TCEA3: variants seen among roughly 807,000 people sequenced by gnomAD.
The protein encoded by TCEA3 is transcription elongation factor A3, also known as transcription elongation factor A protein 3.
A neutral mutation model predicts 44.0 loss-of-function variants in TCEA3; 36 were observed. The observed-to-expected ratio is 0.82, with a 90% CI of 0.63 to 1.08. The LOEUF is 1.08. TCEA3 is among the 50% of genes least tolerant of loss of function. The pLI is 0.00. For missense variants in TCEA3, 392 were observed against 441.2 expected, an observed-to-expected ratio of 0.89 and a Z score of 1.00; for synonymous variants, 162 against 159.7, an observed-to-expected ratio of 1.01 and a Z score of -0.11.
intron 8 of TCEA3, 94 bp downstream of exon 8, chr1:23,393,776 CCCTGGCTCA>C: frequency 6.9e-7 from 1 of 1,454,954 alleles, no homozygotes; most frequent in Non-Finnish European, 9.1e-7. Context: ...TTGAAAAGCT[CCCTGGCTCA>C]CTGCTGATGA....
In TCEA3 at chr1:23,404,915, C is replaced by T. The variant is rs1035612569; in HGVS notation, c.443+3749G>A. ...CAGGAGGTTGAGGCTGCAGTGAGCC[C>T]TGTTTATACCACTGCACTCCAGCCT... On this transcript the variant is annotated intron_variant, in intron 5 of 10. Coordinates refer to ENST00000450454, the MANE Select transcript of TCEA3 (RefSeq NM_003196.3). 2.3e-4 allele frequency among the ~76,000 whole-genome samples: 35 copies of T among 152,174 alleles called. 1 individual carries two copies. Among genetic ancestry groups the T allele is most frequent in the African/African-American group, 8.4e-4 (35 of 41,528 alleles).
intron 7 of TCEA3, among the ~76,000 whole-genome samples, chr1:23,394,969 A>AT (rs1280255146): frequency 1.3e-5 from 2 of 152,142 alleles, no homozygotes; most frequent in Non-Finnish European, 2.9e-5. Flanking sequence ...ACACAGCCTC[A>AT]TTTTCTTGGT....
chr1:23,403,716 C>A (rs1319007738), intron 5 of TCEA3: 2 of 194,230 alleles, frequency 1.0e-5, no homozygotes, highest in Non-Finnish European at 2.2e-5. Context: ...CTGCCTGTCG[C>A]CCTTCCAAAT....
chr1:23,424,659 G>A lies in TCEA3; in HGVS notation c.-26C>T, dbSNP rs760414246. ...GTTGGCCCGCGACGCCCGGCGGGGC[G>A]AGGGGCACAGGGGCAGCAGTAGGGC... is the stretch of plus-strand genomic sequence containing the variant. On this transcript the variant is annotated 5_prime_UTR_variant, in exon 1 of 11. Transcript: ENST00000450454. 1 of 1,591,650 alleles carries A rather than the reference G, an allele frequency of 6.3e-7. No individual in the cohort carries two copies. Among genetic ancestry groups the A allele is most frequent in the Admixed American group, 1.7e-5 (1 of 59,586 alleles).
chr1:23,400,748 G>A (rs184900374), intron 5 of TCEA3, among the ~76,000 whole-genome samples: 2 of 152,208 alleles, frequency 1.3e-5, no homozygotes, highest in East Asian at 3.9e-4. Flanking sequence ...ACCCACTCGA[G>A]GGTCTTACCA....
chr1:23,424,005 G>C, intron 1 of TCEA3: 1 of 379,954 alleles, frequency 2.6e-6, no homozygotes, highest in Non-Finnish European at 5.1e-6. Flanking sequence ...AGGGAAAATT[G>C]CCAAAAGAAC....
At chr1:23,393,767 T>G (rs2486078) in intron 8 of TCEA3, 112 bp downstream of exon 8, 1,289,843 of 1,414,030 alleles carry the variant, frequency 0.91, 588,710 homozygotes, top group African/African-American at 0.96. Flanking sequence ...GAGGCTGGTT[T>G]GAAAAGCTCC....
At chr1:23,419,469 G>C (rs1035964305) in intron 1 of TCEA3, 2 of 236,036 alleles carry the variant, frequency 8.5e-6, no homozygotes, top group African/African-American at 4.5e-5. Flanking sequence ...TTGCTCGTGT[G>C]CCTGTAGCGT....
At chr1:23,423,129 G>T (rs1558082154) in intron 1 of TCEA3, among the ~76,000 whole-genome samples, 1 of 152,178 alleles carries the variant, frequency 6.6e-6, no homozygotes, top group Non-Finnish European at 1.5e-5. Flanking sequence ...ACTGAGGATT[G>T]TGGAGGAGTC....
chr1:23,397,629 T>C (rs1170496049), intron 6 of TCEA3, 28 bp from the exon 7 acceptor site: 2 of 1,612,046 alleles, frequency 1.2e-6, no homozygotes, highest in African/African-American at 2.7e-5. Flanking sequence ...AATACAGGTA[T>C]CAGCCAGACA....
chr1:23,385,845 G>T (rs685895), intron 9 of TCEA3, among the ~76,000 whole-genome samples: 2 of 152,148 alleles, frequency 1.3e-5, no homozygotes, highest in Admixed American at 6.5e-5. Flanking sequence ...CAAGTTAGCT[G>T]GATTGCAGGC....
chr1:23,401,574 G>T (rs922466509), intron 5 of TCEA3, among the ~76,000 whole-genome samples: 2 of 152,156 alleles, frequency 1.3e-5, no homozygotes, highest in Non-Finnish European at 2.9e-5. Context: ...CAAAACGGAT[G>T]TTCCTGCCCC....
chr1:23,418,059 T>C, intron 2 of TCEA3, 50 bp from the exon 3 acceptor site: 9 of 1,574,592 alleles, frequency 5.7e-6, no homozygotes, highest in Non-Finnish European at 7.9e-6. Flanking sequence ...TACACAGGAA[T>C]GGCTGCCATC....
chr1:23,396,188 T>C (rs1392507612), intron 7 of TCEA3, among the ~76,000 whole-genome samples: 1 of 152,130 alleles, frequency 6.6e-6, no homozygotes, highest in Non-Finnish European at 1.5e-5. Flanking sequence ...ATTTGTCGTC[T>C]GCAGATTGGC....
intron 2 of TCEA3, among the ~76,000 whole-genome samples, chr1:23,418,846 T>G (rs943075817): frequency 2.6e-5 from 4 of 151,920 alleles, no homozygotes; most frequent in African/African-American, 7.3e-5. Context: ...CGAACCAGTC[T>G]TGCTCCAAGG....
intron 5 of TCEA3, among the ~76,000 whole-genome samples, chr1:23,399,126 TTATATATATGTATATATG>T (rs1193241891): frequency 3.1e-4 from 23 of 73,394 alleles, no homozygotes; most frequent in African/African-American, 8.3e-4. Context: ...CAGGTTTTGT[TTATATATATGTATATATG>T]TATATATATA....
intron 1 of TCEA3, among the ~76,000 whole-genome samples, chr1:23,422,203 C>T (rs374461817): frequency 4.6e-5 from 7 of 152,248 alleles, no homozygotes; most frequent in South Asian, 2.1e-4. Context: ...TGCGTGCATA[C>T]GTGTGTGGCT....
chr1:23,397,706 T>G (rs1639259748), intron 6 of TCEA3, 86 bp downstream of exon 6: 2 of 1,608,168 alleles, frequency 1.2e-6, no homozygotes, highest in Non-Finnish European at 1.7e-6. Flanking sequence ...CTTGGGGTGC[T>G]GAGAAAGACT....
intron 1 of TCEA3, chr1:23,423,919 C>G: frequency 2.2e-6 from 1 of 453,360 alleles, no homozygotes. Flanking sequence ...TCCAGCCCGG[C>G]CCCCTTCCCC....
Sources: gnomAD v4.1 joint callset for allele counts (sites outside exome capture counted in the v4.1 genomes callset) on GRCh38, gnomAD v4.1.1 for gene constraint, MANE v1.5 for transcripts, NCBI Gene and HGNC (gene_info 2026-07-23, HGNC 2026-07-21) for gene names.